The following ADGRL2 variants were observed in gnomAD, a reference collection of about 807,000 sequenced individuals.
ADGRL2 encodes the protein adhesion G protein-coupled receptor L2, also known as calcium-independent alpha-latrotoxin receptor 2.
Under a neutral mutation model 157.4 loss-of-function variants are expected in ADGRL2, and 44 were observed. The observed-to-expected ratio is 0.28, with a 90% CI of 0.22 to 0.36. ADGRL2 has a LOEUF of 0.36. ADGRL2 is among the 10% of genes least tolerant of loss of function. The probability of loss-of-function intolerance (pLI) is 1.00; values close to 1 mark genes in which losing one functional copy is unlikely to be tolerated. For synonymous variants in ADGRL2, 585 were observed against 624.7 expected (o/e 0.94, Z 0.95); for missense variants, 1,510 against 1,768.9 (o/e 0.85, Z 2.63).
intron 1 of ADGRL2, among the ~76,000 whole-genome samples, chr1:81,385,433 T>C (rs537415840): frequency 1.3e-5 from 2 of 152,128 alleles, no homozygotes; most frequent in Non-Finnish European, 1.5e-5. Flanking sequence ...GAAAATTTGA[T>C]CTATCACAAT....
intron 1 of ADGRL2, among the ~76,000 whole-genome samples, chr1:81,816,549 G>A (rs1000099185): frequency 6.6e-6 from 1 of 151,776 alleles, no homozygotes; most frequent in Non-Finnish European, 1.5e-5. Context: ...ATCTCCTAAA[G>A]AGAACCAGGA....
chr1:81,845,674 A>T (rs1033059430), intron 2 of ADGRL2, among the ~76,000 whole-genome samples: 3 of 142,334 alleles, frequency 2.1e-5, no homozygotes, highest in Non-Finnish European at 3.1e-5. Flanking sequence ...TATTGCTAAT[A>T]CTTTTCTTAT....
chr1:81,381,299 T>A (rs1035177402), intron 1 of ADGRL2, among the ~76,000 whole-genome samples: 2 of 152,188 alleles, frequency 1.3e-5, no homozygotes, highest in African/African-American at 4.8e-5. Flanking sequence ...TGATCAGAAA[T>A]CCCTAAATAA....
At chr1:81,676,473 A>G (rs2082992159) in intron 3 of ADGRL2, among the ~76,000 whole-genome samples, 2 of 151,516 alleles carry the variant, frequency 1.3e-5, no homozygotes, top group African/African-American at 4.9e-5. Context: ...AATTTTTAAA[A>G]AATTTTTTGT....
At chr1:81,477,434 A>G (rs572579527) in intron 2 of ADGRL2, among the ~76,000 whole-genome samples, 6 of 152,250 alleles carry the variant, frequency 3.9e-5, no homozygotes, top group Non-Finnish European at 7.3e-5. Flanking sequence ...GAGAAATTAC[A>G]TGAATATAGA....
intron 1 of ADGRL2, among the ~76,000 whole-genome samples, chr1:81,743,627 C>T (rs59914788): frequency 0.019 from 2,931 of 152,042 alleles, 42 homozygotes; most frequent in South Asian, 0.052. Flanking sequence ...AGAAAATGAG[C>T]AAATTAGAGC....
intron 2 of ADGRL2, among the ~76,000 whole-genome samples, chr1:81,763,565 G>A (rs1173894883): frequency 4.1e-5 from 6 of 147,700 alleles, no homozygotes; most frequent in Non-Finnish European, 7.4e-5. Flanking sequence ...CTCCGGTCTC[G>A]GTGACAGAGC....
intron 2 of ADGRL2, among the ~76,000 whole-genome samples, chr1:81,782,727 T>C (rs1296508808): frequency 6.6e-6 from 1 of 152,220 alleles, no homozygotes; most frequent in Non-Finnish European, 1.5e-5. Flanking sequence ...TTTGCCAGAA[T>C]GAGCATTGGA....
chr1:81,464,524 C>T (rs927986850), intron 2 of ADGRL2, among the ~76,000 whole-genome samples: 7 of 152,100 alleles, frequency 4.6e-5, no homozygotes, highest in African/African-American at 1.7e-4. Flanking sequence ...AAACTGATTT[C>T]AAGTCTAATT....
chr1:81,834,009 AAGC>A (rs1185455867), intron 1 of ADGRL2, among the ~76,000 whole-genome samples: 4 of 152,202 alleles, frequency 2.6e-5, no homozygotes, highest in African/African-American at 9.6e-5. Context: ...GATAAGGAAA[AAGC>A]AGAGGTGGGA....
chr1:81,528,553 C>T (rs1340153810), intron 2 of ADGRL2, among the ~76,000 whole-genome samples: 1 of 145,528 alleles, frequency 6.9e-6, no homozygotes. Flanking sequence ...AGGCTGAGGC[C>T]GGAGAATGGC....
At chr1:81,618,063 G>GTT (rs77158555) in intron 3 of ADGRL2, among the ~76,000 whole-genome samples, 4 of 149,428 alleles carry the variant, frequency 2.7e-5, no homozygotes, top group Admixed American at 2.7e-4. Flanking sequence ...GTTATGTTGG[G>GTT]TTTTTTTTTT....
At chr1:81,537,426 G>A (rs1484309022) in intron 2 of ADGRL2, among the ~76,000 whole-genome samples, 4 of 151,924 alleles carry the variant, frequency 2.6e-5, no homozygotes, top group Non-Finnish European at 4.4e-5. Flanking sequence ...TGGGATTACA[G>A]GCATGCACCA....
intron 14 of ADGRL2, 80 bp downstream of exon 14, chr1:81,968,279 G>T: frequency 8.3e-7 from 1 of 1,208,706 alleles, no homozygotes; most frequent in Non-Finnish European, 1.2e-6. Flanking sequence ...CCCATTCTTT[G>T]GGTGCTTACC....
chr1:81,733,319 C>T (rs761836952), intron 1 of ADGRL2, among the ~76,000 whole-genome samples: 3 of 152,216 alleles, frequency 2.0e-5, no homozygotes, highest in Non-Finnish European at 4.4e-5. Flanking sequence ...ATACTATAGA[C>T]TGGGTGGCTT....
intron 2 of ADGRL2, among the ~76,000 whole-genome samples, chr1:81,481,494 A>G (rs958630025): frequency 2.0e-5 from 3 of 152,208 alleles, no homozygotes; most frequent in Non-Finnish European, 4.4e-5. Context: ...GCTCCCAGGC[A>G]GGTGGGCAAC....
chr1:81,390,272 T>A (rs7520139), intron 1 of ADGRL2, among the ~76,000 whole-genome samples: 356 of 152,136 alleles, frequency 2.3e-3, no homozygotes, highest in African/African-American at 7.7e-3. Context: ...GATTGGTTAG[T>A]TGGTTTTGTT....
chr1:81,624,764 C>A (rs1361828186), intron 3 of ADGRL2, among the ~76,000 whole-genome samples: 1 of 152,164 alleles, frequency 6.6e-6, no homozygotes, highest in Non-Finnish European at 1.5e-5. Context: ...TTGAAATCCC[C>A]TCCCAGTTAA....
At position 81,456,301 on chromosome 1, in the gene ADGRL2, C is replaced by T. The variant is rs115429402; in HGVS notation, c.-248+11212C>T. On this transcript the variant is annotated intron_variant, in intron 2 of 24. Transcript: ENST00000370721. ...GTGACATTATCATAGCTCATTGTAG[C>T]CCCAACCTCCTGGGCTCAAGTGATG... Among the ~76,000 whole-genome samples, 1,224 of 152,170 alleles carry T rather than the reference C, an allele frequency of 8.0e-3. 33 individuals carry two copies. Among genetic ancestry groups the T allele is most frequent in the Admixed American group, 0.057 (866 of 15,280 alleles).
Sources: allele counts gnomAD v4.1 joint callset (sites outside exome capture counted in the v4.1 genomes callset), GRCh38; gene constraint gnomAD v4.1.1; transcripts MANE v1.5; gene names NCBI Gene and HGNC (gene_info 2026-07-23, HGNC 2026-07-21).